Variants in PPP1R12A observed in about 807,000 individuals in gnomAD.
PPP1R12A encodes protein phosphatase 1 regulatory subunit 12A.
Under a neutral mutation model 139.6 loss-of-function variants are expected in PPP1R12A, and 19 were observed. That is an observed-to-expected ratio of 0.14 (90% confidence interval 0.09 to 0.20). PPP1R12A has a LOEUF of 0.20. Ranked by LOEUF, PPP1R12A falls within the 10% of genes least tolerant of loss-of-function variation. The probability of loss-of-function intolerance (pLI) is 1.00; values close to 1 mark genes in which losing one functional copy is unlikely to be tolerated. For synonymous variants in PPP1R12A, 427 were observed against 420.6 expected (o/e 1.02, Z -0.19); for missense variants, 925 against 1,211.5 (o/e 0.76, Z 3.51).
chr12:79,934,467 C>G (rs932878002), intron 1 of PPP1R12A, among the ~76,000 whole-genome samples: 1 of 152,192 alleles, frequency 6.6e-6, no homozygotes, highest in Non-Finnish European at 1.5e-5. Context: ...CCGGAAATCA[C>G]CCGGTTCCCA....
intron 4 of PPP1R12A, 61 bp from the exon 5 acceptor site, chr12:79,828,525 A>C: frequency 1.5e-6 from 2 of 1,308,680 alleles, no homozygotes; most frequent in Non-Finnish European, 2.1e-6. Flanking sequence ...ATCATGATCA[A>C]AAGCTATCTA....
At chr12:79,849,331 G>A (rs113191286) in intron 2 of PPP1R12A, among the ~76,000 whole-genome samples, 158 of 152,150 alleles carry the variant, frequency 1.0e-3, no homozygotes, top group African/African-American at 3.7e-3. Flanking sequence ...AGGTTGTAGT[G>A]AGCCGAGATT....
chr12:79,867,282 A>C (rs1351322601), intron 2 of PPP1R12A, among the ~76,000 whole-genome samples: 1 of 152,080 alleles, frequency 6.6e-6, no homozygotes, highest in African/African-American at 2.4e-5. Flanking sequence ...GAACACATGG[A>C]CACAGGGATG....
At chr12:79,916,383 C>A (rs1485222915) in intron 1 of PPP1R12A, among the ~76,000 whole-genome samples, 1 of 7,168 alleles carries the variant, frequency 1.4e-4, no homozygotes, top group East Asian at 0.071. Flanking sequence ...TCAATTCATT[C>A]TTAAGACAGA....
At chr12:79,789,543 T>G in intron 20 of PPP1R12A, 1 of 408,720 alleles carries the variant, frequency 2.4e-6, no homozygotes, top group Non-Finnish European at 4.8e-6. Context: ...AGGAAAAACA[T>G]ATCTTACTGG....
At chr12:79,880,631 A>G (rs1426891291) in intron 1 of PPP1R12A, among the ~76,000 whole-genome samples, 1 of 152,164 alleles carries the variant, frequency 6.6e-6, no homozygotes, top group Admixed American at 6.5e-5. Flanking sequence ...TGCTTGAAAA[A>G]GCTTATTTAG....
At chr12:79,894,237 T>G (rs756972247) in intron 1 of PPP1R12A, among the ~76,000 whole-genome samples, 5 of 152,138 alleles carry the variant, frequency 3.3e-5, no homozygotes, top group African/African-American at 4.8e-5. Flanking sequence ...CAAAAGGAAT[T>G]CCTCCCTCTA....
chr12:79,897,163 A>C (rs1885203900), intron 1 of PPP1R12A, among the ~76,000 whole-genome samples: 1 of 152,244 alleles, frequency 6.6e-6, no homozygotes, highest in African/African-American at 2.4e-5. Context: ...CTGGATAAAG[A>C]AAACGTGGTA....
Position 79,774,877 on chromosome 12 carries a change from C to G in PPP1R12A, c.*1052G>C, listed in dbSNP as rs941522684. On this transcript the variant is annotated 3_prime_UTR_variant, in exon 25 of 25. Transcript: ENST00000450142. The stretch of plus-strand genomic sequence containing the variant: ...AACTTTAATTATGGTTGAGTACTAT[C>G]AAGTGAAAACTGAAAATAAAAGCAC... The G allele has an allele frequency of 3.3e-5, 5 of 152,304 alleles. No individual in the cohort carries two copies. The highest frequency in any genetic ancestry group is 1.2e-4 in the African/African-American group (5 of 41,412). The allele number at this position is 152,304 out of a possible 1,614,324, so 9.4% of individuals were successfully genotyped here. A position where few individuals can be genotyped will look rare whatever the true frequency, so the allele number is the denominator to read the frequency against.
At chr12:79,848,182 G>A (rs1478195628) in intron 2 of PPP1R12A, among the ~76,000 whole-genome samples, 1 of 152,240 alleles carries the variant, frequency 6.6e-6, no homozygotes, top group Non-Finnish European at 1.5e-5. Context: ...AGTTAGACTT[G>A]AGGTAATTTT....
chr12:79,850,371 T>G (rs1204515133), intron 2 of PPP1R12A, among the ~76,000 whole-genome samples: 2 of 152,212 alleles, frequency 1.3e-5, no homozygotes, highest in Non-Finnish European at 2.9e-5. Context: ...GATTCTGGGT[T>G]AACTGACTTT....
At chr12:79,926,566 G>C (rs778950678) in intron 1 of PPP1R12A, among the ~76,000 whole-genome samples, 2 of 152,182 alleles carry the variant, frequency 1.3e-5, no homozygotes, top group Non-Finnish European at 2.9e-5. Context: ...GTTGATATAA[G>C]CTTTTTTATT....
chr12:79,817,769 T>C (rs755411291), intron 8 of PPP1R12A, among the ~76,000 whole-genome samples: 38 of 152,150 alleles, frequency 2.5e-4, no homozygotes, highest in Non-Finnish European at 5.0e-4. Context: ...ACAAATAGAA[T>C]CTGACTTCTG....
chr12:79,920,804 G>T (rs1887375541), intron 1 of PPP1R12A, among the ~76,000 whole-genome samples: 1 of 152,174 alleles, frequency 6.6e-6, no homozygotes, highest in African/African-American at 2.4e-5. Context: ...AGGCAAGAAG[G>T]CTCTCACCAG....
At chr12:79,908,857 T>C (rs1565811017) in intron 1 of PPP1R12A, among the ~76,000 whole-genome samples, 2 of 152,158 alleles carry the variant, frequency 1.3e-5, no homozygotes, top group Non-Finnish European at 2.9e-5. Context: ...CCCATGATTA[T>C]CAACAGTGAG....
intron 2 of PPP1R12A, among the ~76,000 whole-genome samples, chr12:79,847,357 T>C (rs191863533): frequency 1.4e-3 from 216 of 152,352 alleles, no homozygotes; most frequent in Non-Finnish European, 1.7e-3. Flanking sequence ...AAATAGACAG[T>C]TGAAATTCAC....
chr12:79,915,569 A>C (rs745732277), intron 1 of PPP1R12A, among the ~76,000 whole-genome samples: 47 of 152,228 alleles, frequency 3.1e-4, no homozygotes, highest in South Asian at 8.3e-4. Context: ...CTTACTTCTC[A>C]TATGTCTGTC....
intron 2 of PPP1R12A, among the ~76,000 whole-genome samples, chr12:79,861,125 A>G (rs1881268451): frequency 6.6e-6 from 1 of 152,212 alleles, no homozygotes; most frequent in Non-Finnish European, 1.5e-5. Context: ...TGAGGACTCC[A>G]GGCCTTGGGC....
At chr12:79,853,329 T>C (rs964937604) in intron 2 of PPP1R12A, among the ~76,000 whole-genome samples, 17 of 152,228 alleles carry the variant, frequency 1.1e-4, no homozygotes, top group Non-Finnish European at 2.2e-4. Flanking sequence ...TTATGGAATA[T>C]ATGAGGCTAA....
Sources: allele counts gnomAD v4.1 joint callset (sites outside exome capture counted in the v4.1 genomes callset), GRCh38; gene constraint gnomAD v4.1.1; transcripts MANE v1.5; gene names NCBI Gene and HGNC (gene_info 2026-07-23, HGNC 2026-07-21).